The following LPP variants were observed in gnomAD, a reference collection of about 807,000 sequenced individuals.
The protein encoded by LPP is LIM domain containing preferred translocation partner in lipoma.
LPP carries 38 observed loss-of-function variants against 60.4 expected under a neutral mutation model. The ratio of observed to expected loss-of-function variants is 0.63; its 90% CI spans 0.49 to 0.83. The LOEUF is 0.83. LPP is among the 40% of genes least tolerant of loss of function. The pLI, the probability that LPP is intolerant of heterozygous loss-of-function variation, is 0.00. For missense variants in LPP, 902 were observed against 783.6 expected (o/e 1.15, Z -1.80); for synonymous variants, 328 against 290.8 (o/e 1.13, Z -1.30).
At position 188,406,302 on chromosome 3, in the gene LPP, C is replaced by G. The variant is rs1212072963; in HGVS notation, c.182C>G (p.Pro61Arg). Residue 61 changes from proline to arginine, a missense_variant, in exon 4 of 12, where the codon CCT becomes CGT. Coordinates refer to ENST00000617246, the MANE Select transcript of LPP (RefSeq NM_001375462.1). ...CCTAAGTACAACCCATACAAACAACCTGGAGGTGAGGGTAAGTGCTGGGAT... is the reference window on the plus strand; with the variant it reads ...CCTAAGTACAACCCATACAAACAACGTGGAGGTGAGGGTAAGTGCTGGGAT... ...PKPKYNPYKQ[P>R]GGEGDFLPPP... 1 of 1,613,882 alleles carries G rather than the reference C, an allele frequency of 6.2e-7. No homozygotes were observed. Among genetic ancestry groups the G allele is most frequent in the Admixed American group, 1.7e-5 (1 of 59,994 alleles).
chr3:188,225,315 G>A (rs1457329035), intron 1 of LPP, 90 bp from the exon 2 acceptor site: 8 of 152,138 alleles, frequency 5.3e-5, no homozygotes, highest in Admixed American at 5.2e-4. Context: ...AGTAAACCAC[G>A]GCCCAGTCAG....
intron 2 of LPP, among the ~76,000 whole-genome samples, chr3:188,313,365 C>T (rs574590541): frequency 9.3e-4 from 140 of 150,634 alleles, no homozygotes; most frequent in South Asian, 4.2e-4. Flanking sequence ...TCTGGCTGGG[C>T]GTGGTGGCTC....
intron 10 of LPP, among the ~76,000 whole-genome samples, chr3:188,867,671 G>A (rs973024797): frequency 1.3e-5 from 2 of 152,146 alleles, no homozygotes; most frequent in South Asian, 4.1e-4. Flanking sequence ...TTTAAGAACT[G>A]TACTAAACCT....
chr3:188,450,378 T>G (rs1473900416), intron 4 of LPP, among the ~76,000 whole-genome samples: 1 of 152,214 alleles, frequency 6.6e-6, no homozygotes, highest in Non-Finnish European at 1.5e-5. Flanking sequence ...GAACTATTGC[T>G]GTACTATTGC....
intron 2 of LPP, among the ~76,000 whole-genome samples, chr3:188,239,414 C>T (rs1432392299): frequency 6.6e-6 from 1 of 152,184 alleles, no homozygotes; most frequent in Non-Finnish European, 1.5e-5. Context: ...ATGGTCTTTG[C>T]TGTTTGTGTC....
intron 2 of LPP, among the ~76,000 whole-genome samples, chr3:188,296,071 G>C (rs979849770): frequency 6.6e-6 from 1 of 152,118 alleles, no homozygotes; most frequent in Non-Finnish European, 1.5e-5. Flanking sequence ...ACTGATGACT[G>C]TACCTATTTC....
intron 7 of LPP, among the ~76,000 whole-genome samples, chr3:188,654,430 T>A (rs563320669): frequency 1.3e-5 from 2 of 152,284 alleles, no homozygotes; most frequent in Admixed American, 1.3e-4. Context: ...AAATGGTGCA[T>A]CATACGAATT....
At chr3:188,669,444 C>T (rs537834596) in intron 7 of LPP, among the ~76,000 whole-genome samples, 195 of 152,038 alleles carry the variant, frequency 1.3e-3, no homozygotes, top group Non-Finnish European at 2.2e-3. Flanking sequence ...GGCGTGGTGG[C>T]GGGCACCTGT....
At chr3:188,623,585 T>C (rs1350558303) in intron 7 of LPP, among the ~76,000 whole-genome samples, 1 of 152,182 alleles carries the variant, frequency 6.6e-6, no homozygotes, top group Non-Finnish European at 1.5e-5. Context: ...CTTGATTTTT[T>C]ACTGAGTCAG....
intron 4 of LPP, among the ~76,000 whole-genome samples, chr3:188,480,242 G>C (rs1308705579): frequency 3.3e-5 from 5 of 152,216 alleles, no homozygotes; most frequent in Non-Finnish European, 5.9e-5. Flanking sequence ...AGTAAGTAGT[G>C]TTTGGGAATC....
chr3:188,194,753 G>T (rs1201610834), intron 1 of LPP, among the ~76,000 whole-genome samples: 2 of 152,136 alleles, frequency 1.3e-5, no homozygotes, highest in East Asian at 1.9e-4. Flanking sequence ...ATAATAGAGA[G>T]GTACCTGTGG....
chr3:188,229,467 G>A (rs1026250615), intron 2 of LPP, among the ~76,000 whole-genome samples: 13 of 152,208 alleles, frequency 8.5e-5, no homozygotes, highest in Admixed American at 1.3e-4. Flanking sequence ...GGTCACTTCC[G>A]TCAGAGGTGA....
intron 9 of LPP, among the ~76,000 whole-genome samples, chr3:188,856,844 G>C (rs1303106670): frequency 1.3e-5 from 2 of 152,144 alleles, no homozygotes; most frequent in Non-Finnish European, 2.9e-5. Flanking sequence ...TCTGCTCTGA[G>C]CTCTTAGCCA....
rs149667890 is a variant in LPP, at chr3:188,884,210, G to A, written c.*9731G>A. The A allele has an allele frequency of 1.3e-5, 3 of 229,376 alleles. No individual in the cohort carries two copies. The highest frequency in any genetic ancestry group is 2.6e-5 in the Non-Finnish European group (3 of 115,678). 14.2% of individuals were successfully genotyped at this position (229,376 alleles called of 1,614,324 possible). Reference sequence around the variant, plus strand: ...AGAAAGCTGAGGCTCAAGCCATTAAGTGACTTGCCAAAAGCTGTGACATAG... The same window carrying A: ...AGAAAGCTGAGGCTCAAGCCATTAAATGACTTGCCAAAAGCTGTGACATAG... On this transcript the variant is annotated 3_prime_UTR_variant, in exon 12 of 12. Coordinates refer to ENST00000617246, the MANE Select transcript of LPP (RefSeq NM_001375462.1).
intron 8 of LPP, among the ~76,000 whole-genome samples, chr3:188,736,245 T>C (rs964762786): frequency 1.3e-5 from 2 of 152,088 alleles, no homozygotes; most frequent in African/African-American, 4.8e-5. Flanking sequence ...ACAAAAATTT[T>C]AAAGTGTATG....
chr3:188,354,800 AAC>A (rs1012348256), intron 3 of LPP, among the ~76,000 whole-genome samples: 16 of 145,592 alleles, frequency 1.1e-4, no homozygotes, highest in East Asian at 6.3e-4. Context: ...TTAATCAATG[AAC>A]ACACACACGC....
intron 6 of LPP, among the ~76,000 whole-genome samples, chr3:188,605,385 G>A (rs1474364590): frequency 6.6e-6 from 1 of 152,120 alleles, no homozygotes; most frequent in African/African-American, 2.4e-5. Flanking sequence ...ATGATTCCCA[G>A]TGTTCTCCTT....
intron 2 of LPP, among the ~76,000 whole-genome samples, chr3:188,262,074 G>A (rs996866793): frequency 3.9e-5 from 6 of 152,298 alleles, no homozygotes; most frequent in African/African-American, 1.2e-4. Flanking sequence ...TGGGGTTGAC[G>A]AATGCATGGG....
intron 4 of LPP, among the ~76,000 whole-genome samples, chr3:188,456,590 G>T (rs182229095): frequency 6.6e-6 from 1 of 152,336 alleles, no homozygotes; most frequent in East Asian, 1.9e-4. Context: ...GGATTGGTGT[G>T]TGTAGGTATG....
Sources: allele counts gnomAD v4.1 joint callset (sites outside exome capture counted in the v4.1 genomes callset), GRCh38; gene constraint gnomAD v4.1.1; transcripts MANE v1.5; gene names NCBI Gene and HGNC (gene_info 2026-07-23, HGNC 2026-07-21).